Variants in SMDT1 observed in about 807,000 individuals in gnomAD.
SMDT1 encodes the protein single-pass membrane protein with aspartate rich tail 1, also known as essential MCU regulator, mitochondrial.
SMDT1 carries 6 observed loss-of-function variants against 5.9 expected under a neutral mutation model. The ratio of observed to expected loss-of-function variants is 1.03; its 90% CI spans 0.56 to 2.02. The LOEUF (loss-of-function observed/expected upper bound fraction) is 2.02. Ranked by LOEUF, SMDT1 falls within the 30% of genes most tolerant of loss-of-function variation. The pLI, the probability that SMDT1 is intolerant of heterozygous loss-of-function variation, is 0.00. For missense variants in SMDT1, 159 were observed against 145.6 expected (o/e 1.09, Z -0.47); for synonymous variants, 81 against 62.4 (o/e 1.30, Z -1.40).
rs530097203 is a variant in SMDT1, at chr22:42,079,961, G to A, written c.186+7G>A. The A allele has an allele frequency of 1.5e-4, 249 of 1,608,626 alleles. No individual in the cohort carries two copies. The Admixed American group carries it at 3.7e-3, about 24-fold the overall frequency. On this transcript the variant is annotated splice_region_variant and intron_variant, in intron 1 of 2. Transcript: ENST00000331479. ...TTTGCCCAAACCGGTGAAAGTGAGT[G>A]TCCTCCTGGAGACGGGGCGAAGGGG... is the stretch of plus-strand genomic sequence containing the variant.
intron 1 of SMDT1, among the ~76,000 whole-genome samples, chr22:42,081,359 G>A (rs1052886604): frequency 6.6e-6 from 1 of 151,926 alleles, no homozygotes; most frequent in Non-Finnish European, 1.5e-5. Flanking sequence ...TAGAGACGGG[G>A]TTTCACTATG....
At chr22:42,082,352 C>T in intron 2 of SMDT1, 1 of 338,086 alleles carries the variant, frequency 3.0e-6, no homozygotes, top group South Asian at 3.0e-5. Flanking sequence ...CAGACATGCG[C>T]CACTGTGCCT....
rs751309939 is a variant in SMDT1, at chr22:42,079,921, C to T, written c.153C>T (p.Thr51=). ...SLVPSRSVIV[T]RSGAILPKPV... is the part of the protein sequence containing the mutation. Reference sequence around the variant, plus strand: ...TACCGTCGAGGTCAGTCATCGTTACCCGCAGCGGCGCCATTTTGCCCAAAC... The same window carrying T: ...TACCGTCGAGGTCAGTCATCGTTACTCGCAGCGGCGCCATTTTGCCCAAAC... The change falls in exon 1 of 3, where the codon ACC becomes ACT. Residue 51 remains threonine (T), a synonymous_variant. Coordinates refer to ENST00000331479, the MANE Select transcript of SMDT1 (RefSeq NM_033318.5). The T allele has an allele frequency of 6.2e-7, 1 of 1,613,544 alleles. No individual in the cohort carries two copies.
At chr22:42,080,093 A>C in intron 1 of SMDT1, 139 bp downstream of exon 1, 2 of 953,942 alleles carry the variant, frequency 2.1e-6, no homozygotes, top group East Asian at 5.6e-5. Context: ...AGAATACGCT[A>C]ATGAGTTGCT....
At position 42,080,039 on chromosome 22, in the gene SMDT1, C is replaced by A. The variant is rs1927655282; in HGVS notation, c.186+85C>A. The A allele has an allele frequency of 3.6e-6, 5 of 1,392,322 alleles. No homozygotes were observed. In the Admixed American group the frequency reaches 1.1e-4, roughly 32 times the overall value. The allele number at this position is 1,392,322 out of a possible 1,614,324, so 86.2% of individuals were successfully genotyped here. A position where few individuals can be genotyped will look rare whatever the true frequency, so the allele number is the denominator to read the frequency against. Reference sequence around the variant, plus strand: ...TGAGGGCGGCGCTGATTGATAGGAGCCAAGGCCAATCATAACGATTACCGT... The same window carrying A: ...TGAGGGCGGCGCTGATTGATAGGAGACAAGGCCAATCATAACGATTACCGT... On this transcript the variant is annotated intron_variant, in intron 1 of 2. Coordinates refer to ENST00000331479, the MANE Select transcript of SMDT1 (RefSeq NM_033318.5).
At chr22:42,080,081 C>A in intron 1 of SMDT1, 127 bp downstream of exon 1, 2 of 1,049,090 alleles carry the variant, frequency 1.9e-6, no homozygotes, top group Non-Finnish European at 1.4e-6. Flanking sequence ...GAAGGCGGAC[C>A]AAGAATACGC....
chr22:42,082,007 C>T lies in SMDT1; in HGVS notation c.269C>T (p.Ala90Val). The T allele has an allele frequency of 6.2e-7, 1 of 1,613,990 alleles. No homozygotes were observed. The highest frequency in any genetic ancestry group is 8.5e-7 in the Non-Finnish European group (1 of 1,180,030). Residue 90 changes from alanine to valine, a missense_variant, in exon 2 of 3, where the codon GCT becomes GTT. By Grantham distance (64) the Ala-to-Val change is moderately conservative (BLOSUM62 0). Coordinates refer to ENST00000331479, the MANE Select transcript of SMDT1 (RefSeq NM_033318.5). ...VGTLISKNFA[A>V]LLEEHDIFVP... ...ACACTCATTAGCAAGAACTTTGCTG[C>T]TCTACTTGAGGAACATGACATTTTT...
In SMDT1 at chr22:42,079,723, T is replaced by C. The variant is rs1484014519; in HGVS notation, c.-46T>C. 2 of 1,568,242 alleles carry C rather than the reference T, an allele frequency of 1.3e-6. No homozygotes were observed. The highest frequency in any genetic ancestry group is 1.7e-6 in the Non-Finnish European group (2 of 1,162,062). ...TTCTTCCCGAGGGCGGCACGAGGGCTGGGCGGTGGGGTGCGGGTGCCCGGG... is the reference window on the plus strand; with the variant it reads ...TTCTTCCCGAGGGCGGCACGAGGGCCGGGCGGTGGGGTGCGGGTGCCCGGG... On this transcript the variant is annotated 5_prime_UTR_variant, in exon 1 of 3. Coordinates refer to ENST00000331479, the MANE Select transcript of SMDT1 (RefSeq NM_033318.5).
rs1927908017 is a variant in SMDT1 at position 42,083,116 on chromosome 22, C to T, written c.*4-3C>T. On this transcript the variant is annotated splice_polypyrimidine_tract_variant and splice_region_variant and intron_variant, in intron 2 of 2. Coordinates refer to ENST00000331479, the MANE Select transcript of SMDT1 (RefSeq NM_033318.5). ...AGTTCACTGCTGCTTTCCTTTCTTA[C>T]AGGAATTACAGAAAGGAGAAAGCAC... 1 of 152,612 alleles carries T rather than the reference C, an allele frequency of 6.6e-6. No homozygotes were observed. The highest frequency in any genetic ancestry group is 2.4e-5 in the African/African-American group (1 of 41,456). The allele number at this position is 152,612 out of a possible 1,614,324, so 9.5% of individuals were successfully genotyped here.
rs1927967083 is a variant in SMDT1 at position 42,083,817 on chromosome 22, T to C, written c.*702T>C. 6.6e-6 allele frequency: 1 copy of C among 152,176 alleles called. No homozygotes were observed. Among genetic ancestry groups the C allele is most frequent in the Non-Finnish European group, 1.5e-5 (1 of 68,036 alleles). 9.4% of individuals were successfully genotyped at this position (152,176 alleles called of 1,614,324 possible). ...CTGTTTCTCAGATCTTCTCCTGACC[T>C]CCTTTCACCTGCTGCTTTTTCTCCC... is the stretch of plus-strand genomic sequence containing the variant. On this transcript the variant is annotated 3_prime_UTR_variant, in exon 3 of 3. Coordinates refer to ENST00000331479, the MANE Select transcript of SMDT1 (RefSeq NM_033318.5).
In SMDT1 at chr22:42,079,905, G is replaced by A. The variant is rs1043908993; in HGVS notation, c.137G>A (p.Arg46Lys). Residue 46 changes from arginine to lysine, a missense_variant, in exon 1 of 3, where the codon AGG becomes AAG. By Grantham distance (26) the Arg-to-Lys change is conservative. Coordinates refer to ENST00000331479, the MANE Select transcript of SMDT1 (RefSeq NM_033318.5). ...TCAGGCCGGAGCCTGGTACCGTCGA[G>A]GTCAGTCATCGTTACCCGCAGCGGC... ...SGSGRSLVPS[R>K]SVIVTRSGAI... 6.2e-7 allele frequency: 1 copy of A among 1,613,934 alleles called. No individual in the cohort carries two copies. Among genetic ancestry groups the A allele is most frequent in the Non-Finnish European group, 8.5e-7 (1 of 1,179,920 alleles).
chr22:42,082,941 C>A (rs911450449), intron 2 of SMDT1, among the ~76,000 whole-genome samples, 178 bp from the exon 3 acceptor site: 1 of 152,162 alleles, frequency 6.6e-6, no homozygotes, highest in South Asian at 2.1e-4. Context: ...TTATACATTG[C>A]GGCCCCCAGT....
rs1927994222 is a variant in SMDT1 at position 42,084,096 on chromosome 22, T to G, written c.*981T>G. The G allele has an allele frequency of 6.6e-6, 1 of 152,110 alleles. No homozygotes were observed. The highest frequency in any genetic ancestry group is 2.4e-5 in the African/African-American group (1 of 41,388). The allele number at this position is 152,110 out of a possible 1,614,324, so 9.4% of individuals were successfully genotyped here. A position where few individuals can be genotyped will look rare whatever the true frequency, so the allele number is the denominator to read the frequency against. ...GTTGTCCATGCTTCAATCATCCCTA[T>G]CCAATGAGGTCTCCATAAAAGGCCC... is the stretch of plus-strand genomic sequence containing the variant. On this transcript the variant is annotated 3_prime_UTR_variant, in exon 3 of 3. Transcript: ENST00000331479.
Position 42,079,762 on chromosome 22 carries a change from T to TG in SMDT1, c.-2dup, listed in dbSNP as rs755420668. ...CGGGTGCCCGGGTGAGGGGCGGAGC[T>TG]GGGGGCATGGCGTCCGGAGCGGCTC... On this transcript the variant is annotated 5_prime_UTR_variant, in exon 1 of 3. Transcript: ENST00000331479. The TG allele has an allele frequency of 1.2e-6, 2 of 1,603,384 alleles. No homozygotes were observed. Among genetic ancestry groups the TG allele is most frequent in the Admixed American group, 3.3e-5 (2 of 59,794 alleles).
chr22:42,079,891 C>G lies in SMDT1; in HGVS notation c.123C>G (p.Ser41Arg). Residue 41 changes from serine (S) to arginine (R), a missense_variant, in exon 1 of 3, where the codon AGC (serine) becomes AGG (arginine). Coordinates refer to ENST00000331479, the MANE Select transcript of SMDT1 (RefSeq NM_033318.5). ...CCGCATGGAGCGGCTCAGGCCGGAG[C>G]CTGGTACCGTCGAGGTCAGTCATCG... ...VSAAWSGSGR[S>R]LVPSRSVIVT... The G allele has an allele frequency of 6.2e-7, 1 of 1,614,136 alleles. No homozygotes were observed. Among genetic ancestry groups the G allele is most frequent in the Non-Finnish European group, 8.5e-7 (1 of 1,180,004 alleles).
chr22:42,079,915 C>T lies in SMDT1; in HGVS notation c.147C>T (p.Ile49=), dbSNP rs902647555. ...GRSLVPSRSV[I]VTRSGAILPK... ...GCCTGGTACCGTCGAGGTCAGTCAT[C>T]GTTACCCGCAGCGGCGCCATTTTGC... is the stretch of plus-strand genomic sequence containing the variant. Residue 49 remains isoleucine, a synonymous_variant, in exon 1 of 3, where the codon ATC becomes ATT. Transcript: ENST00000331479. 4 of 1,613,262 alleles carry T rather than the reference C, an allele frequency of 2.5e-6. No homozygotes were observed. Among genetic ancestry groups the T allele is most frequent in the Admixed American group, 1.7e-5 (1 of 59,736 alleles).
rs1040128536 is a variant in SMDT1 at position 42,084,077 on chromosome 22, C to G, written c.*962C>G. On this transcript the variant is annotated 3_prime_UTR_variant, in exon 3 of 3. Transcript: ENST00000331479. The stretch of plus-strand genomic sequence containing the variant: ...CCAATCCCATTTCTCCAGTGTTGTC[C>G]ATGCTTCAATCATCCCTATCCAATG... 2.0e-5 allele frequency: 3 copies of G among 152,194 alleles called. No homozygotes were observed. The highest frequency in any genetic ancestry group is 4.4e-5 in the Non-Finnish European group (3 of 68,080). 9.4% of individuals were successfully genotyped at this position (152,194 alleles called of 1,614,324 possible). A position where few individuals can be genotyped will look rare whatever the true frequency, so the allele number is the denominator to read the frequency against.
At chr22:42,081,368 T>C (rs892867122) in intron 1 of SMDT1, among the ~76,000 whole-genome samples, 2 of 152,148 alleles carry the variant, frequency 1.3e-5, no homozygotes, top group African/African-American at 4.8e-5. Context: ...GGTTTCACTA[T>C]GTTAGCCAGG....
In SMDT1 at chr22:42,079,820, G is replaced by T. The variant is rs753245971; in HGVS notation, c.52G>T (p.Ala18Ser). ...AGTATTGGCACCCGTCAGGTCCGGG[G>T]CTCTCCGGAGCGGGCCTAGCTTGAG... is the stretch of plus-strand genomic sequence containing the variant. ...WLVLAPVRSG[A>S]LRSGPSLRKD... Residue 18 changes from alanine to serine, a missense_variant, in exon 1 of 3, where the codon GCT (alanine) becomes TCT (serine). Transcript: ENST00000331479. 1.3e-5 allele frequency: 21 copies of T among 1,612,930 alleles called. No homozygotes were observed. The highest frequency in any genetic ancestry group is 1.7e-5 in the Non-Finnish European group (20 of 1,179,918).
Sources: allele counts gnomAD v4.1 joint callset (sites outside exome capture counted in the v4.1 genomes callset), GRCh38; gene constraint gnomAD v4.1.1; transcripts MANE v1.5; gene names NCBI Gene and HGNC (gene_info 2026-07-23, HGNC 2026-07-21).